ZZEF1: variants seen among roughly 807,000 people sequenced by gnomAD.
The protein encoded by ZZEF1 is zinc finger ZZ-type and EF-hand domain-containing protein 1.
In ZZEF1, 157 loss-of-function variants were observed where a neutral mutation model predicts 342.8. The ratio of observed to expected loss-of-function variants is 0.46; its 90% CI spans 0.40 to 0.52. The LOEUF is 0.52. Among genes scored for constraint, ZZEF1 ranks in the 20% least tolerant of loss-of-function variants. ZZEF1 has a pLI of 0.00. For synonymous variants in ZZEF1, 1,505 were observed against 1,429.1 expected (o/e 1.05, Z -1.20); for missense variants, 3,480 against 3,725.6 (o/e 0.93, Z 1.72).
Position 4,008,614 on chromosome 17 carries a change from C to T in ZZEF1, c.8805+269G>A. ...ACTCCACGGAAACTTCAAGAATCAG[C>T]CAAACTAAATTTAAGGCATCGGTTG... On this transcript the variant is annotated intron_variant, in intron 54 of 54. Transcript: ENST00000381638. This position sits in a 1 kb window ranked among gnomAD's most constrained non-coding sequence, Gnocchi z 4.2. 8.5e-7 allele frequency: 1 copy of T among 1,173,034 alleles called. No homozygotes were observed. Among genetic ancestry groups the T allele is most frequent in the Non-Finnish European group, 1.1e-6 (1 of 949,206 alleles). The allele number at this position is 1,173,034 out of a possible 1,614,324, so 72.7% of individuals were successfully genotyped here. A position where few individuals can be genotyped will look rare whatever the true frequency, so the allele number is the denominator to read the frequency against.
chr17:4,067,698 T>G (rs1049579395), intron 26 of ZZEF1, among the ~76,000 whole-genome samples: 42 of 152,330 alleles, frequency 2.8e-4, no homozygotes, highest in Admixed American at 1.8e-3. Flanking sequence ...CAGCTCATGC[T>G]TATAATCCCA....
intron 1 of ZZEF1, among the ~76,000 whole-genome samples, chr17:4,127,814 G>A (rs1433361549): frequency 6.6e-6 from 1 of 152,094 alleles, no homozygotes; most frequent in African/African-American, 2.4e-5. Flanking sequence ...TACCCTTCAG[G>A]CAAATGACTG....
chr17:4,091,107 G>C (rs138871969), intron 11 of ZZEF1, among the ~76,000 whole-genome samples: 4 of 152,322 alleles, frequency 2.6e-5, no homozygotes, highest in African/African-American at 9.6e-5. Flanking sequence ...GAATGAGACA[G>C]AAAGTCGGGC....
At position 4,008,444 on chromosome 17, in the gene ZZEF1, G is replaced by A. The variant is rs1340147637; in HGVS notation, c.8805+439C>T. 7.2e-6 allele frequency: 5 copies of A among 694,348 alleles called. No individual in the cohort carries two copies. In the African/African-American group the frequency reaches 7.8e-5, roughly 11 times the overall value. The allele number at this position is 694,348 out of a possible 1,614,324, so 43.0% of individuals were successfully genotyped here. On this transcript the variant is annotated intron_variant, in intron 54 of 54. Coordinates refer to ENST00000381638, the MANE Select transcript of ZZEF1 (RefSeq NM_015113.4). This position sits in a 1 kb window ranked among gnomAD's most constrained non-coding sequence, Gnocchi z 4.2. Reference sequence around the variant, plus strand: ...AAATCTCGTTTCTAATGGCACATATGGATATATGCATAATAGACATATCCA... The same window carrying A: ...AAATCTCGTTTCTAATGGCACATATAGATATATGCATAATAGACATATCCA...
At chr17:4,036,817 ACTCTCTCT>A (rs368445866) in intron 39 of ZZEF1, among the ~76,000 whole-genome samples, 2,336 of 72,442 alleles carry the variant, frequency 0.032, 96 homozygotes, top group African/African-American at 0.13. Flanking sequence ...ACACACACAC[ACTCTCTCT>A]CTCTCTCTCT....
chr17:4,100,759 C>T (rs953576139), intron 9 of ZZEF1, among the ~76,000 whole-genome samples: 3 of 152,116 alleles, frequency 2.0e-5, no homozygotes, highest in Non-Finnish European at 4.4e-5. Flanking sequence ...GGCTTGAACC[C>T]GGGAGGAGGA....
intron 9 of ZZEF1, 34 bp downstream of exon 9, chr17:4,102,283 G>A (rs1317858177): frequency 8.2e-6 from 13 of 1,583,216 alleles, no homozygotes; most frequent in Admixed American, 1.7e-5. Context: ...CCTGTCTACC[G>A]AGCACACTAG....
Position 4,017,472 on chromosome 17 carries a change from C to T in ZZEF1, c.7900G>A (p.Val2634Met), listed in dbSNP as rs748965022. 1.4e-5 allele frequency: 23 copies of T among 1,614,140 alleles called. No homozygotes were observed. Among genetic ancestry groups the T allele is most frequent in the East Asian group, 6.7e-5 (3 of 44,902 alleles). ...ASLLAEWPSHVPVSEDILELS... is the reference protein window; with the variant it reads ...ASLLAEWPSHMPVSEDILELS... ...TCCAGGATGTCCTCGCTCACTGGCA[C>T]GTGGCTAGGCCACTCGGCGAGCAGG... The change falls in exon 48 of 55, where the codon GTG becomes ATG. Residue 2634 changes from valine (V) to methionine (M), a missense_variant. Val to Met is a conservative substitution (Grantham distance 21, BLOSUM62 1). Transcript: ENST00000381638. This position sits in a 1 kb window ranked among gnomAD's most constrained non-coding sequence, Gnocchi z 5.1.
At chr17:4,045,545 T>C (rs947849736) in intron 37 of ZZEF1, among the ~76,000 whole-genome samples, 2 of 152,212 alleles carry the variant, frequency 1.3e-5, no homozygotes, top group African/African-American at 4.8e-5. Context: ...CCTAGAAATA[T>C]GACATTGTTT....
Position 4,117,054 on chromosome 17 carries a change from C to A in ZZEF1, c.612G>T (p.Met204Ile), listed in dbSNP as rs2058406284. The A allele has an allele frequency of 3.1e-6, 5 of 1,614,118 alleles. No homozygotes were observed. In the East Asian group the frequency reaches 1.1e-4, roughly 36 times the overall value. The change falls in exon 3 of 55, where the codon ATG (methionine) becomes ATT (isoleucine). Residue 204 changes from methionine (M) to isoleucine (I), a missense_variant. Around this residue, in one of 5 missense-constraint regions of ZZEF1, gnomAD observed 416 missense variants for 374.2 expected, o/e 1.11. Coordinates refer to ENST00000381638, the MANE Select transcript of ZZEF1 (RefSeq NM_015113.4). The part of the protein sequence containing the change: ...RLSSAVMPYP[M>I]LEHCNNMCTM... ...TGCACATGTTATTGCAGTGCTCCAGCATCGGGTAGGGCATCACCGCGCTGG... is the reference window on the plus strand; with the variant it reads ...TGCACATGTTATTGCAGTGCTCCAGAATCGGGTAGGGCATCACCGCGCTGG...
chr17:4,120,768 T>C (rs1199603625), intron 2 of ZZEF1, among the ~76,000 whole-genome samples: 5 of 152,106 alleles, frequency 3.3e-5, no homozygotes, highest in Non-Finnish European at 5.9e-5. Context: ...TGGCAAAACG[T>C]TGTATCTATG....
intron 45 of ZZEF1, 62 bp downstream of exon 45, chr17:4,021,067 G>T: frequency 6.6e-7 from 1 of 1,509,808 alleles, no homozygotes; most frequent in Non-Finnish European, 8.9e-7. Context: ...ACATGGCCCG[G>T]GCCAAAGAGA....
rs566419498 is a variant in ZZEF1, at chr17:4,009,696, C to T, written c.8641G>A (p.Gly2881Ser). ...GGCTGCGTCACGTCCTCAAACAGGC[C>T]GTACTCCATGTGGGTAAAGAGCTGC... The part of the protein sequence containing the change: ...LWQLFTHMEY[G>S]LFEDVTQPGI... Residue 2881 changes from glycine (G) to serine (S), a missense_variant, in exon 53 of 55, where the codon GGC (glycine) becomes AGC (serine). Coordinates refer to ENST00000381638, the MANE Select transcript of ZZEF1 (RefSeq NM_015113.4). The T allele has an allele frequency of 9.3e-6, 15 of 1,613,922 alleles. No homozygotes were observed. The African/African-American group carries it at 9.3e-5, about 10-fold the overall frequency.
intron 40 of ZZEF1, chr17:4,033,693 T>C (rs1054975909): frequency 5.4e-5 from 17 of 315,536 alleles, no homozygotes; most frequent in Non-Finnish European, 9.0e-5. Flanking sequence ...GTGGTTATGT[T>C]ACTTTTACAA....
chr17:4,053,911 A>C, intron 34 of ZZEF1, 146 bp downstream of exon 34: 1 of 844,878 alleles, frequency 1.2e-6, no homozygotes, highest in Non-Finnish European at 1.8e-6. Flanking sequence ...TGAGGAGATA[A>C]GGCTCATGTT....
At chr17:4,117,784 G>A (rs558876924) in intron 2 of ZZEF1, among the ~76,000 whole-genome samples, 5 of 151,828 alleles carry the variant, frequency 3.3e-5, no homozygotes, top group South Asian at 2.1e-4. Context: ...CGTTTTTAAG[G>A]AAGTCTTGCG....
chr17:4,058,041 G>A lies in ZZEF1; in HGVS notation c.5118C>T (p.Leu1706=). 1 of 1,614,122 alleles carries A rather than the reference G, an allele frequency of 6.2e-7. No homozygotes were observed. Among genetic ancestry groups the A allele is most frequent in the Non-Finnish European group, 8.5e-7 (1 of 1,180,004 alleles). The change falls in exon 32 of 55, where the codon CTC becomes CTT. Residue 1706 remains leucine (L), a synonymous_variant. Coordinates refer to ENST00000381638, the MANE Select transcript of ZZEF1 (RefSeq NM_015113.4). ...TTATATTCTCCTGTGACATTTTCAT[G>A]AGGAGATCTGGTAACTGAATATCAA... The part of the protein sequence containing the change: ...FFVDIQLPDL[L]MKMSQENISV...
At chr17:4,067,296 G>C (rs1597841139) in intron 26 of ZZEF1, 54 bp from the exon 27 acceptor site, 3 of 1,393,802 alleles carry the variant, frequency 2.2e-6, no homozygotes, top group Admixed American at 4.0e-5. Context: ...ATTCACTACT[G>C]CAACATTAAG....
rs547492834 is a variant in ZZEF1, at chr17:4,136,674, G to C, written c.354+5868C>G. Reference sequence around the variant, plus strand: ...ATTACACACCCGTCCAGGTTGCTATGAAAGGGGTCCCTTTTCGGGGGCAGA... The same window carrying C: ...ATTACACACCCGTCCAGGTTGCTATCAAAGGGGTCCCTTTTCGGGGGCAGA... On this transcript the variant is annotated intron_variant, in intron 1 of 54. Transcript: ENST00000381638. Among the ~76,000 whole-genome samples the C allele has an allele frequency of 2.0e-5, 3 of 152,284 alleles. No individual in the cohort carries two copies. The South Asian group carries it at 6.2e-4, about 32-fold the overall frequency.
Sources: allele counts gnomAD v4.1 joint callset (sites outside exome capture counted in the v4.1 genomes callset), GRCh38; gene constraint gnomAD v4.1.1; regional missense constraint gnomAD v4.1.1; non-coding constraint Gnocchi (gnomAD v3.1); transcripts MANE v1.5; gene names NCBI Gene and HGNC (gene_info 2026-07-23, HGNC 2026-07-21).